ARL15: variants seen among roughly 807,000 people sequenced by gnomAD.
The protein encoded by ARL15 is ARF like GTPase 15.
Under a neutral mutation model 25.2 loss-of-function variants are expected in ARL15, and 19 were observed. The observed-to-expected ratio is 0.75, with a 90% CI of 0.53 to 1.10. The LOEUF is 1.10. ARL15 is among the 50% of genes least tolerant of loss of function. The pLI is 0.00. For missense variants in ARL15, 220 were observed against 246.0 expected, an observed-to-expected ratio of 0.89 and a Z score of 0.71; for synonymous variants, 94 against 86.8, an observed-to-expected ratio of 1.08 and a Z score of -0.46.
chr5:54,034,453 T>C (rs1304643439), intron 4 of ARL15, among the ~76,000 whole-genome samples: 1 of 152,210 alleles, frequency 6.6e-6, no homozygotes, highest in Non-Finnish European at 1.5e-5. Context: ...CTATTTACAG[T>C]CACTCCCTTC....
intron 4 of ARL15, among the ~76,000 whole-genome samples, chr5:54,040,407 G>GTTGTTTTTC (rs1750301748): frequency 6.6e-6 from 1 of 152,092 alleles, no homozygotes; most frequent in Non-Finnish European, 1.5e-5. Context: ...ACAGGATCTT[G>GTTGTTTTTC]AAAATACAAC....
intron 1 of ARL15, among the ~76,000 whole-genome samples, chr5:54,286,929 C>T (rs751252633): frequency 2.0e-5 from 3 of 147,886 alleles, no homozygotes; most frequent in Non-Finnish European, 4.4e-5. Flanking sequence ...AGTGCAGTGG[C>T]GCAGTCTTGG....
At chr5:54,053,711 C>T (rs1313418481) in intron 4 of ARL15, among the ~76,000 whole-genome samples, 1 of 152,098 alleles carries the variant, frequency 6.6e-6, no homozygotes, top group Non-Finnish European at 1.5e-5. Context: ...TTGAGAGGCG[C>T]TCTATAAAAT....
intron 1 of ARL15, among the ~76,000 whole-genome samples, chr5:54,226,888 G>C (rs1249931193): frequency 1.3e-5 from 2 of 152,084 alleles, no homozygotes; most frequent in South Asian, 4.2e-4. Flanking sequence ...TGAATCATGG[G>C]GGTGGTTCTC....
chr5:54,090,524 C>T (rs546916953), intron 4 of ARL15, among the ~76,000 whole-genome samples: 2 of 151,746 alleles, frequency 1.3e-5, no homozygotes, highest in South Asian at 2.1e-4. Context: ...GAGAATAATA[C>T]AGCACAGGGA....
chr5:53,960,324 A>G (rs1747319994), intron 4 of ARL15, among the ~76,000 whole-genome samples: 1 of 152,232 alleles, frequency 6.6e-6, no homozygotes, highest in Admixed American at 6.5e-5. Context: ...ATAATGAAAT[A>G]ATCTATCCTT....
At chr5:53,987,289 A>G (rs995599006) in intron 4 of ARL15, among the ~76,000 whole-genome samples, 2 of 151,944 alleles carry the variant, frequency 1.3e-5, no homozygotes, top group Admixed American at 1.3e-4. Flanking sequence ...AGCCAGGCTG[A>G]CAAACTTTTA....
chr5:53,950,986 A>T (rs1484904882), intron 4 of ARL15, among the ~76,000 whole-genome samples: 6 of 152,126 alleles, frequency 3.9e-5, no homozygotes, highest in Non-Finnish European at 2.9e-5. Context: ...AATCCAGCCC[A>T]CTCCCTGTTT....
chr5:53,938,578 G>T (rs1156828599), intron 4 of ARL15, among the ~76,000 whole-genome samples: 1 of 152,164 alleles, frequency 6.6e-6, no homozygotes, highest in African/African-American at 2.4e-5. Flanking sequence ...TGTAATCCCA[G>T]CACTTGGGAG....
chr5:54,234,016 T>A (rs1250127974), intron 1 of ARL15, among the ~76,000 whole-genome samples: 2 of 152,236 alleles, frequency 1.3e-5, no homozygotes, highest in Non-Finnish European at 2.9e-5. Context: ...TTATTTATTT[T>A]TTGAGACAGT....
chr5:53,936,131 G>C (rs983265966), intron 4 of ARL15, among the ~76,000 whole-genome samples: 6 of 152,182 alleles, frequency 3.9e-5, no homozygotes, highest in African/African-American at 9.7e-5. Flanking sequence ...TTTTCAGAGA[G>C]AGGTACATAT....
intron 1 of ARL15, among the ~76,000 whole-genome samples, chr5:54,194,820 C>T (rs1041620422): frequency 2.0e-5 from 3 of 152,132 alleles, no homozygotes; most frequent in Admixed American, 2.0e-4. Flanking sequence ...ACAGCACAGG[C>T]ACAAAATGAA....
chr5:54,154,694 CACTT>C (rs1754170571), intron 2 of ARL15, 55 bp from the exon 3 acceptor site: 8 of 1,071,886 alleles, frequency 7.5e-6, no homozygotes, highest in East Asian at 5.7e-5. Flanking sequence ...TAAATTAAAA[CACTT>C]AGGATGCTCA....
chr5:54,165,271 A>C (rs1754530312), intron 2 of ARL15, among the ~76,000 whole-genome samples: 1 of 152,074 alleles, frequency 6.6e-6, no homozygotes, highest in Non-Finnish European at 1.5e-5. Flanking sequence ...AATAAGAAGT[A>C]AATATTATAT....
intron 1 of ARL15, among the ~76,000 whole-genome samples, chr5:54,203,670 G>A (rs1294125564): frequency 6.6e-6 from 1 of 152,086 alleles, no homozygotes; most frequent in East Asian, 1.9e-4. Flanking sequence ...TAAGATTCTT[G>A]AAGATAATTT....
At chr5:54,155,171 T>C (rs887824409) in intron 2 of ARL15, among the ~76,000 whole-genome samples, 1 of 152,140 alleles carries the variant, frequency 6.6e-6, no homozygotes, top group Non-Finnish European at 1.5e-5. Context: ...TACGGCAATA[T>C]ATAACACTAT....
intron 1 of ARL15, among the ~76,000 whole-genome samples, chr5:54,187,718 A>G (rs558967314): frequency 2.1e-4 from 32 of 152,214 alleles, no homozygotes; most frequent in Non-Finnish European, 3.5e-4. Context: ...CTACTGATAC[A>G]TTATTACATG....
At chr5:53,984,700 T>G (rs1483235562) in intron 4 of ARL15, among the ~76,000 whole-genome samples, 1 of 152,202 alleles carries the variant, frequency 6.6e-6, no homozygotes. Context: ...TTACTTACCA[T>G]CTATTTATTT....
chr5:54,058,004 A>ATTTTTTTTTTTTTTTTT (rs1289219585), intron 4 of ARL15, among the ~76,000 whole-genome samples: 1 of 138,208 alleles, frequency 7.2e-6, no homozygotes. Flanking sequence ...TTATTTATTT[A>ATTTTTTTTTTTTTTTTT]TTTATTTATT....
Sources: allele counts gnomAD v4.1 joint callset (sites outside exome capture counted in the v4.1 genomes callset), GRCh38; gene constraint gnomAD v4.1.1; transcripts MANE v1.5; gene names NCBI Gene and HGNC (gene_info 2026-07-23, HGNC 2026-07-21).